The following EXOC6B variants were observed in gnomAD, a reference collection of about 807,000 sequenced individuals.
EXOC6B encodes the protein exocyst complex component 6B, also known as SEC15 homolog B.
A neutral mutation model predicts 113.5 loss-of-function variants in EXOC6B; 54 were observed. The observed-to-expected ratio is 0.48, with a 90% CI of 0.38 to 0.60. The LOEUF is 0.60. Among genes scored for constraint, EXOC6B ranks in the 20% least tolerant of loss-of-function variants. The pLI is 0.00. For synonymous variants in EXOC6B, 357 were observed against 339.0 expected (o/e 1.05, Z -0.58); for missense variants, 797 against 977.5 (o/e 0.82, Z 2.46).
intron 20 of EXOC6B, among the ~76,000 whole-genome samples, chr2:72,214,646 T>C (rs1351356057): frequency 2.6e-5 from 4 of 152,168 alleles, no homozygotes; most frequent in African/African-American, 9.7e-5. Context: ...TTTCCACTTA[T>C]CAGCTGATCT....
chr2:72,595,579 G>C (rs1573457051), intron 6 of EXOC6B, among the ~76,000 whole-genome samples: 1 of 151,718 alleles, frequency 6.6e-6, no homozygotes, highest in East Asian at 1.9e-4. Flanking sequence ...AGAGTGATGA[G>C]AGTTAATGGA....
intron 20 of EXOC6B, among the ~76,000 whole-genome samples, chr2:72,266,765 A>T (rs1007546374): frequency 1.3e-5 from 2 of 152,112 alleles, no homozygotes; most frequent in African/African-American, 4.8e-5. Flanking sequence ...TATGAACTTT[A>T]AAGTAGTTTT....
intron 20 of EXOC6B, among the ~76,000 whole-genome samples, chr2:72,222,025 G>A (rs149434482): frequency 6.6e-6 from 1 of 152,302 alleles, no homozygotes; most frequent in East Asian, 1.9e-4. Flanking sequence ...AGATGACTGA[G>A]CAGAGATCCA....
chr2:72,566,128 A>G (rs541613902), intron 7 of EXOC6B, among the ~76,000 whole-genome samples: 6 of 152,210 alleles, frequency 3.9e-5, no homozygotes, highest in African/African-American at 1.4e-4. Context: ...CATAATCAAG[A>G]TAAGAAGAAA....
At chr2:72,531,493 A>T (rs1701999937) in intron 8 of EXOC6B, among the ~76,000 whole-genome samples, 1 of 152,232 alleles carries the variant, frequency 6.6e-6, no homozygotes, top group Non-Finnish European at 1.5e-5. Context: ...CATTCTTTTC[A>T]AGCGCATACT....
intron 5 of EXOC6B, among the ~76,000 whole-genome samples, chr2:72,726,391 G>A (rs543031088): frequency 1.3e-5 from 2 of 151,644 alleles, no homozygotes; most frequent in Non-Finnish European, 2.9e-5. Flanking sequence ...AAAACTGAAG[G>A]TGAAATAAAT....
At chr2:72,395,501 T>A (rs1177065377) in intron 18 of EXOC6B, among the ~76,000 whole-genome samples, 1 of 152,150 alleles carries the variant, frequency 6.6e-6, no homozygotes, top group East Asian at 1.9e-4. Context: ...TTCAGAATAT[T>A]TAAAACCTTA....
At chr2:72,466,352 AAAAAAAAAG>A (rs1379054860) in intron 17 of EXOC6B, among the ~76,000 whole-genome samples, 2 of 151,402 alleles carry the variant, frequency 1.3e-5, no homozygotes, top group African/African-American at 4.9e-5. Flanking sequence ...CTCAAAAAAA[AAAAAAAAAG>A]AAAAGAAAAG....
At chr2:72,461,519 A>G (rs1346101005) in intron 18 of EXOC6B, 1 of 151,952 alleles carries the variant, frequency 6.6e-6, no homozygotes, top group Non-Finnish European at 1.5e-5. Context: ...ATAAATATAA[A>G]TTTACATTAA....
At chr2:72,209,875 C>T (rs557714140) in intron 20 of EXOC6B, among the ~76,000 whole-genome samples, 21 of 152,296 alleles carry the variant, frequency 1.4e-4, no homozygotes, top group South Asian at 1.2e-3. Context: ...CAAGGACAAT[C>T]ATCAAGGCAG....
At chr2:72,475,189 T>C (rs1338929802) in intron 17 of EXOC6B, among the ~76,000 whole-genome samples, 3 of 152,102 alleles carry the variant, frequency 2.0e-5, no homozygotes, top group Non-Finnish European at 4.4e-5. Context: ...GGCACCATTG[T>C]TAGTGAGTCC....
intron 6 of EXOC6B, among the ~76,000 whole-genome samples, chr2:72,588,238 T>C (rs1479636132): frequency 6.6e-6 from 1 of 152,126 alleles, no homozygotes; most frequent in Non-Finnish European, 1.5e-5. Flanking sequence ...CACATGTCCG[T>C]TGCAGCATTA....
intron 14 of EXOC6B, 25 bp downstream of exon 14, chr2:72,496,428 GA>G: frequency 1.4e-6 from 2 of 1,428,974 alleles, no homozygotes; most frequent in Non-Finnish European, 1.9e-6. Context: ...AACAACCAGA[GA>G]AATTTATTTT....
Position 72,221,663 on chromosome 2 carries a change from G to A in EXOC6B, c.2197-37476C>T, listed in dbSNP as rs187210954. On this transcript the variant is annotated intron_variant, in intron 20 of 21. Coordinates refer to ENST00000272427, the MANE Select transcript of EXOC6B (RefSeq NM_015189.3). ...GGAATCTCAGCCTGTTTTGTTCATT[G>A]ATGTATCTCAAGTGCCTGGGACATA... 3.4e-3 allele frequency among the ~76,000 whole-genome samples: 513 copies of A among 152,210 alleles called. 3 individuals carry two copies. Among genetic ancestry groups the A allele is most frequent in the African/African-American group, 0.012 (503 of 41,532 alleles).
chr2:72,649,847 G>A lies in EXOC6B; in HGVS notation c.669+68256C>T, dbSNP rs370400323. Among the ~76,000 whole-genome samples, 313 of 152,018 alleles carry A rather than the reference G, an allele frequency of 2.1e-3. 3 individuals carry two copies. In the South Asian group the frequency reaches 0.03, roughly 15 times the overall value. ...GCCTTTTCAACAAATGGTGCTGCTG[G>A]AGCAATTTCATAAACATAAGCAAAA... On this transcript the variant is annotated intron_variant, in intron 6 of 21. Coordinates refer to ENST00000272427, the MANE Select transcript of EXOC6B (RefSeq NM_015189.3).
At chr2:72,803,781 G>GAC (rs1685429350) in intron 1 of EXOC6B, among the ~76,000 whole-genome samples, 1 of 152,126 alleles carries the variant, frequency 6.6e-6, no homozygotes, top group Non-Finnish European at 1.5e-5. Flanking sequence ...CATTATTCAA[G>GAC]ACACTTGGCT....
At chr2:72,286,448 C>T (rs550007961) in intron 20 of EXOC6B, among the ~76,000 whole-genome samples, 14 of 152,004 alleles carry the variant, frequency 9.2e-5, no homozygotes, top group Non-Finnish European at 1.3e-4. Context: ...AGAAAAGGCA[C>T]AATGAGGGGG....
At chr2:72,233,796 G>A (rs1371390935) in intron 20 of EXOC6B, among the ~76,000 whole-genome samples, 3 of 152,196 alleles carry the variant, frequency 2.0e-5, no homozygotes, top group African/African-American at 7.2e-5. Flanking sequence ...GGCAGCCACA[G>A]CTTCCTGCTG....
At chr2:72,708,925 G>A (rs1167585337) in intron 6 of EXOC6B, among the ~76,000 whole-genome samples, 1 of 6,934 alleles carries the variant, frequency 1.4e-4, no homozygotes, top group South Asian at 6.0e-3. Context: ...TTTTTTTTTT[G>A]TAGAGACAAA....
Sources: gnomAD v4.1 joint callset for allele counts (sites outside exome capture counted in the v4.1 genomes callset) on GRCh38, gnomAD v4.1.1 for gene constraint, MANE v1.5 for transcripts, NCBI Gene and HGNC (gene_info 2026-07-23, HGNC 2026-07-21) for gene names.